The following NALF1 variants were observed in gnomAD, a reference collection of about 807,000 sequenced individuals.
NALF1 encodes the protein NALCN channel auxiliary factor 1, also known as family with sequence similarity 155 member A.
NALF1 carries 3 observed loss-of-function variants against 48.4 expected under a neutral mutation model. That is an observed-to-expected ratio of 0.06 (90% CI 0.03 to 0.16). NALF1 has a LOEUF of 0.16. Ranked by LOEUF, NALF1 falls within the 10% of genes least tolerant of loss-of-function variation. The probability of loss-of-function intolerance (pLI) is 1.00; values close to 1 mark genes in which losing one functional copy is unlikely to be tolerated. For synonymous variants in NALF1, 262 were observed against 245.7 expected (o/e 1.07, Z -0.62); for missense variants, 526 against 571.5 (o/e 0.92, Z 0.81).
At chr13:107,763,635 A>G (rs1394498451) in intron 1 of NALF1, among the ~76,000 whole-genome samples, 2 of 152,172 alleles carry the variant, frequency 1.3e-5, no homozygotes, top group Non-Finnish European at 2.9e-5. Flanking sequence ...CAGCACATAG[A>G]TATTACTAGT....
chr13:107,317,015 T>C (rs1882162965), intron 1 of NALF1, among the ~76,000 whole-genome samples: 1 of 152,128 alleles, frequency 6.6e-6, no homozygotes. Context: ...AAAGATCTTT[T>C]CTAGGAAATG....
chr13:107,344,953 T>C (rs540638343), intron 1 of NALF1, among the ~76,000 whole-genome samples: 1 of 152,228 alleles, frequency 6.6e-6, no homozygotes, highest in Admixed American at 6.5e-5. Flanking sequence ...CCAAAAAAAT[T>C]GTTAGAACTA....
chr13:107,487,281 T>A (rs1412884691), intron 1 of NALF1, among the ~76,000 whole-genome samples: 1 of 152,158 alleles, frequency 6.6e-6, no homozygotes, highest in East Asian at 1.9e-4. Flanking sequence ...CACTGGTAAT[T>A]TTCACTCGCA....
At chr13:107,350,165 C>CT (rs1882848233) in intron 1 of NALF1, among the ~76,000 whole-genome samples, 1 of 152,158 alleles carries the variant, frequency 6.6e-6, no homozygotes, top group South Asian at 2.1e-4. Flanking sequence ...GGCCACGGAC[C>CT]AATACTGCTC....
At chr13:107,420,678 T>C (rs1402146938) in intron 1 of NALF1, among the ~76,000 whole-genome samples, 2 of 152,168 alleles carry the variant, frequency 1.3e-5, no homozygotes, top group African/African-American at 2.4e-5. Flanking sequence ...CAATCATACA[T>C]ATACCCATAC....
chr13:107,825,114 T>C (rs1393920701), intron 1 of NALF1, among the ~76,000 whole-genome samples: 1 of 152,198 alleles, frequency 6.6e-6, no homozygotes, highest in Non-Finnish European at 1.5e-5. Context: ...AACACAGTTA[T>C]CAGTTCTTAA....
At chr13:107,285,481 G>A (rs9558995) in intron 1 of NALF1, among the ~76,000 whole-genome samples, 54 of 152,088 alleles carry the variant, frequency 3.6e-4, no homozygotes, top group African/African-American at 1.2e-3. Context: ...ATTTTTTCAC[G>A]TTCTCATGTT....
chr13:107,585,599 A>G (rs984423668), intron 1 of NALF1, among the ~76,000 whole-genome samples: 2 of 152,180 alleles, frequency 1.3e-5, no homozygotes, highest in Non-Finnish European at 2.9e-5. Flanking sequence ...ATTCATTTCA[A>G]CAGCACCTTC....
chr13:107,231,830 A>G (rs1204631663), intron 1 of NALF1, among the ~76,000 whole-genome samples: 1 of 152,218 alleles, frequency 6.6e-6, no homozygotes, highest in African/African-American at 2.4e-5. Context: ...CCCTTTAGAA[A>G]CCTTTTAAAT....
chr13:107,646,608 T>C lies in NALF1; in HGVS notation c.915+219074A>G, dbSNP rs371103854. Among the ~76,000 whole-genome samples the C allele has an allele frequency of 1.6e-4, 24 of 152,278 alleles. No individual in the cohort carries two copies. The East Asian group carries it at 4.6e-3, about 29-fold the overall frequency. On this transcript the variant is annotated intron_variant, in intron 1 of 2. Coordinates refer to ENST00000375915, the MANE Select transcript of NALF1 (RefSeq NM_001080396.3). ...AATTACTGAGTAAAATATTTTCACA[T>C]GAATTTTTTCTCTATTAATGTAATC...
intron 2 of NALF1, among the ~76,000 whole-genome samples, chr13:107,182,460 A>AAATAC (rs1405580289): frequency 6.6e-6 from 1 of 151,860 alleles, no homozygotes; most frequent in South Asian, 2.1e-4. Flanking sequence ...TTTTTGTAGA[A>AAATAC]GTGGGGTCTA....
intron 1 of NALF1, among the ~76,000 whole-genome samples, chr13:107,614,595 G>C (rs1879327548): frequency 6.6e-6 from 1 of 152,112 alleles, no homozygotes; most frequent in Non-Finnish European, 1.5e-5. Flanking sequence ...GAAAACTGCT[G>C]TTTAAATTTT....
intron 1 of NALF1, among the ~76,000 whole-genome samples, chr13:107,229,113 T>C (rs1880167494): frequency 6.6e-6 from 1 of 152,174 alleles, no homozygotes; most frequent in Non-Finnish European, 1.5e-5. Context: ...TCCAGCGTAA[T>C]AATACTTGAA....
Position 107,168,981 on chromosome 13 carries a change from TTTTG to T in NALF1, c.*1512_*1515del, listed in dbSNP as rs557778553. 0.013 allele frequency: 1,974 copies of T among 152,672 alleles called. 22 individuals are homozygous for T. Among genetic ancestry groups the T allele is most frequent in the Non-Finnish European group, 0.017 (1,176 of 67,996 alleles). 9.5% of individuals were successfully genotyped at this position (152,672 alleles called of 1,614,324 possible). A position where few individuals can be genotyped will look rare whatever the true frequency, so the allele number is the denominator to read the frequency against. On this transcript the variant is annotated 3_prime_UTR_variant, in exon 3 of 3. Coordinates refer to ENST00000375915, the MANE Select transcript of NALF1 (RefSeq NM_001080396.3). Reference sequence around the variant, plus strand: ...GTAAAATTTTTTTTTTAATTATTTGTTTTGTTTGTTTGTTTGTTTTTTTAAAAAC... The same window carrying T: ...GTAAAATTTTTTTTTTAATTATTTGTTTTGTTTGTTTGTTTTTTTAAAAAC...
chr13:107,492,088 G>A (rs1164679512), intron 1 of NALF1, among the ~76,000 whole-genome samples: 1 of 142,860 alleles, frequency 7.0e-6, no homozygotes, highest in Admixed American at 7.1e-5. Context: ...TGTCGCCCAG[G>A]CTGGAGGACA....
intron 1 of NALF1, among the ~76,000 whole-genome samples, chr13:107,343,145 CA>C (rs1276813379): frequency 6.6e-6 from 1 of 152,184 alleles, no homozygotes; most frequent in Non-Finnish European, 1.5e-5. Context: ...CAAATCTTAA[CA>C]AATTTAAGAA....
chr13:107,484,630 A>G (rs796993333), intron 1 of NALF1, among the ~76,000 whole-genome samples: 39 of 152,278 alleles, frequency 2.6e-4, no homozygotes, highest in African/African-American at 8.9e-4. Context: ...ACATGTCCCC[A>G]ATTCCTTGGT....
chr13:107,757,165 C>A (rs1594247017), intron 1 of NALF1, among the ~76,000 whole-genome samples: 1 of 152,244 alleles, frequency 6.6e-6, no homozygotes, highest in Admixed American at 6.5e-5. Flanking sequence ...GTAGTATGTA[C>A]TGATTTGCAG....
At position 107,165,517 on chromosome 13, in the gene NALF1, G is replaced by A. The variant is rs1411283740; in HGVS notation, c.*4980C>T. Reference sequence around the variant, plus strand: ...GAATGTCTTGTCTGTGGTAAACATAGCCCTGAAGTACAGTATCTCAAGAAT... The same window carrying A: ...GAATGTCTTGTCTGTGGTAAACATAACCCTGAAGTACAGTATCTCAAGAAT... On this transcript the variant is annotated 3_prime_UTR_variant, in exon 3 of 3. Coordinates refer to ENST00000375915, the MANE Select transcript of NALF1 (RefSeq NM_001080396.3). 1 of 152,118 alleles carries A rather than the reference G, an allele frequency of 6.6e-6. No individual in the cohort carries two copies. Among genetic ancestry groups the A allele is most frequent in the Non-Finnish European group, 1.5e-5 (1 of 68,014 alleles). 9.4% of individuals were successfully genotyped at this position (152,118 alleles called of 1,614,324 possible).
Sources: allele counts gnomAD v4.1 joint callset (sites outside exome capture counted in the v4.1 genomes callset), GRCh38; gene constraint gnomAD v4.1.1; transcripts MANE v1.5; gene names NCBI Gene and HGNC (gene_info 2026-07-23, HGNC 2026-07-21).